P4HTM: variants seen among roughly 807,000 people sequenced by gnomAD.
The protein encoded by P4HTM is prolyl 4-hydroxylase, transmembrane.
Under a neutral mutation model 55.3 loss-of-function variants are expected in P4HTM, and 33 were observed. The observed-to-expected ratio is 0.60, with a 90% CI of 0.45 to 0.80. The LOEUF is 0.80. P4HTM is among the 30% of genes least tolerant of loss of function. P4HTM has a pLI of 0.00. For synonymous variants in P4HTM, 272 were observed against 286.4 expected, an observed-to-expected ratio of 0.95 and a Z score of 0.51; for missense variants, 542 against 696.5, an observed-to-expected ratio of 0.78 and a Z score of 2.50.
chr3:48,998,357 T>C (rs1174460477), intron 2 of P4HTM: 1 of 152,266 alleles, frequency 6.6e-6, no homozygotes, highest in African/African-American at 2.4e-5. Context: ...AGATGACCCT[T>C]TGGGGGAAAG....
At chr3:49,001,762 GAC>G in intron 3 of P4HTM, 134 bp downstream of exon 3, 2 of 731,350 alleles carry the variant, frequency 2.7e-6, no homozygotes, top group Non-Finnish European at 4.4e-6. Flanking sequence ...GGCATGCCCA[GAC>G]CCAGGAGGTC....
chr3:49,001,379 A>G (rs554408395), intron 2 of P4HTM, 59 bp from the exon 3 acceptor site: 1 of 1,517,118 alleles, frequency 6.6e-7, no homozygotes, highest in Non-Finnish European at 9.1e-7. Flanking sequence ...GGAGGAAGGT[A>G]CTGGGTGCAC....
intron 2 of P4HTM, among the ~76,000 whole-genome samples, chr3:48,995,728 G>A (rs1238918030): frequency 6.6e-6 from 1 of 152,154 alleles, no homozygotes; most frequent in Non-Finnish European, 1.5e-5. Context: ...TGAAATTACA[G>A]GCGCCTGCCA....
At chr3:49,000,279 G>A (rs2092957405) in intron 2 of P4HTM, among the ~76,000 whole-genome samples, 2 of 152,100 alleles carry the variant, frequency 1.3e-5, no homozygotes, top group South Asian at 4.2e-4. Context: ...GGCCAGGTGT[G>A]GTGGCATATG....
At chr3:49,003,962 G>C in intron 4 of P4HTM, 136 bp from the exon 5 acceptor site, 1 of 764,712 alleles carries the variant, frequency 1.3e-6, no homozygotes, top group South Asian at 1.9e-5. Context: ...TCCAGGTGGG[G>C]GACAAGTGTA....
upstream of P4HTM, chr3:48,990,139 C>G: frequency 1.1e-5 from 11 of 979,330 alleles, no homozygotes; most frequent in Non-Finnish European, 1.4e-5. This position sits in a 1 kb window ranked among gnomAD's most constrained non-coding sequence, Gnocchi z 7.2. Context: ...TCAGCACCCC[C>G]AGGCACCGTC....
chr3:49,006,745 C>A lies in P4HTM; in HGVS notation c.1347C>A (p.Gly449=). Residue 449 remains glycine (G), a synonymous_variant, in exon 9 of 9, where the codon GGC becomes GGA. Transcript: ENST00000383729. ...SLHGGCLVTR[G]TKWIANNWIN... ...ACGGGGGCTGCCTGGTCACGCGCGG[C>A]ACCAAGTGGATTGCCAACAACTGGA... 1.2e-6 allele frequency: 2 copies of A among 1,613,740 alleles called. No individual in the cohort carries two copies. The highest frequency in any genetic ancestry group is 8.5e-7 in the Non-Finnish European group (1 of 1,180,040).
chr3:49,005,438 G>A (rs1164414799), intron 6 of P4HTM: 2 of 1,386,050 alleles, frequency 1.4e-6, no homozygotes, highest in Admixed American at 6.7e-5. Context: ...TCAGGTGGCT[G>A]TTCTGGCCCA....
chr3:48,990,396 G>T lies in P4HTM; in HGVS notation c.140G>T (p.Arg47Leu). ...GLGDGEDAPVRPLCKPRGICS... is the reference protein window; with the variant it reads ...GLGDGEDAPVLPLCKPRGICS... ...GGCGACGGCGAGGACGCACCGGTGC[G>T]TCCGCTGTGCAAGCCCCGCGGCATC... Residue 47 changes from arginine to leucine, a missense_variant, in exon 1 of 9, where the codon CGT becomes CTT. This residue lies in a region of P4HTM where 536 missense variants were observed against 672.1 expected (regional missense o/e 0.80). Coordinates refer to ENST00000383729, the MANE Select transcript of P4HTM (RefSeq NM_177939.3). This position sits in a 1 kb window ranked among gnomAD's most constrained non-coding sequence, Gnocchi z 7.2. 6.3e-7 allele frequency: 1 copy of T among 1,593,394 alleles called. No individual in the cohort carries two copies.
rs972225617 is a variant in P4HTM, at chr3:49,004,298, G to A, written c.887+38G>A. Reference sequence around the variant, plus strand: ...AGCTGTTCTCACTGGAGCAGGGGGAGAAGACTGGGCAGGGCCTCCACAGAA... The same window carrying A: ...AGCTGTTCTCACTGGAGCAGGGGGAAAAGACTGGGCAGGGCCTCCACAGAA... On this transcript the variant is annotated intron_variant, in intron 5 of 8. Coordinates refer to ENST00000383729, the MANE Select transcript of P4HTM (RefSeq NM_177939.3). 5.9e-6 allele frequency: 9 copies of A among 1,520,868 alleles called. No homozygotes were observed. The African/African-American group carries it at 9.7e-5, about 16-fold the overall frequency. The allele number at this position is 1,520,868 out of a possible 1,614,324, so 94.2% of individuals were successfully genotyped here. A position where few individuals can be genotyped will look rare whatever the true frequency, so the allele number is the denominator to read the frequency against.
Position 49,004,189 on chromosome 3 carries a change from G to A in P4HTM, c.816G>A (p.Val272=). ...ACAAGGCAGAGTCCAGTGAGCTGGT[G>A]CGGAACAGCCACCATACCTGGCTCT... ...RSHKAESSEL[V]RNSHHTWLYQ... The change falls in exon 5 of 9, where the codon GTG becomes GTA. Residue 272 remains valine (V), a synonymous_variant. Transcript: ENST00000383729. The A allele has an allele frequency of 6.5e-7, 1 of 1,549,864 alleles. No homozygotes were observed. Among genetic ancestry groups the A allele is most frequent in the Non-Finnish European group, 8.7e-7 (1 of 1,146,966 alleles).
Position 49,004,126 on chromosome 3 carries a change from CA to C in P4HTM, c.754del (p.Met252TrpfsTer10). 1 of 1,556,092 alleles carries C rather than the reference CA, an allele frequency of 6.4e-7. No individual in the cohort carries two copies. The highest frequency in any genetic ancestry group is 8.7e-7 in the Non-Finnish European group (1 of 1,150,240). ...GVLSLQEFSN[M>X]DLRDFHKYMR... ...TGCTGAGTCTGCAGGAGTTCTCCAACATGGACCTTCGGGACTTCCACAAGTA... is the reference window on the plus strand; with the variant it reads ...TGCTGAGTCTGCAGGAGTTCTCCAACTGGACCTTCGGGACTTCCACAAGTA... On this transcript the variant is annotated frameshift_variant, in exon 5 of 9. Transcript: ENST00000383729. LOFTEE classifies it high-confidence loss of function.
chr3:49,004,157 A>G lies in P4HTM; in HGVS notation c.784A>G (p.Arg262Gly), dbSNP rs758223082. Reference protein sequence around the residue: ...MDLRDFHKYMRSHKAESSELV... With the variant: ...MDLRDFHKYMGSHKAESSELV... ...CCTTCGGGACTTCCACAAGTACATG[A>G]GGAGCCACAAGGCAGAGTCCAGTGA... Residue 262 changes from arginine (R) to glycine (G), a missense_variant, in exon 5 of 9, where the codon AGG (arginine) becomes GGG (glycine). Coordinates refer to ENST00000383729, the MANE Select transcript of P4HTM (RefSeq NM_177939.3). The G allele has an allele frequency of 1.9e-6, 3 of 1,551,424 alleles. No homozygotes were observed. The South Asian group carries it at 3.6e-5, about 18-fold the overall frequency.
intron 6 of P4HTM, 145 bp from the exon 7 acceptor site, chr3:49,005,632 T>C (rs895411607): frequency 1.3e-5 from 19 of 1,426,004 alleles, no homozygotes; most frequent in Non-Finnish European, 1.7e-5. Flanking sequence ...TAGGGACATT[T>C]TGGCACTGGC....
At chr3:48,997,245 A>G (rs1007406375) in intron 2 of P4HTM, 4 of 152,226 alleles carry the variant, frequency 2.6e-5, no homozygotes, top group Non-Finnish European at 4.4e-5. Context: ...GAGGGTGCCA[A>G]TGGCGCACAG....
At position 49,004,005 on chromosome 3, in the gene P4HTM, C is replaced by T. The variant is rs1045408869; in HGVS notation, c.725-93C>T. 21 of 1,279,752 alleles carry T rather than the reference C, an allele frequency of 1.6e-5. No individual in the cohort carries two copies. In the African/African-American group the frequency reaches 2.8e-4, roughly 17 times the overall value. The allele number at this position is 1,279,752 out of a possible 1,614,324, so 79.3% of individuals were successfully genotyped here. ...CCTCAGTGCCTGAGGTCAGGGGCTGCTGCTGCCTTTGGGGTAGGTAGGGAA... is the reference window on the plus strand; with the variant it reads ...CCTCAGTGCCTGAGGTCAGGGGCTGTTGCTGCCTTTGGGGTAGGTAGGGAA... On this transcript the variant is annotated intron_variant, in intron 4 of 8. Transcript: ENST00000383729.
In P4HTM at chr3:49,002,752, CT is replaced by C; in HGVS notation, c.724+161del. 1 of 713,812 alleles carries C rather than the reference CT, an allele frequency of 1.4e-6. No homozygotes were observed. The highest frequency in any genetic ancestry group is 2.7e-5 in the East Asian group (1 of 37,184). 44.2% of individuals were successfully genotyped at this position (713,812 alleles called of 1,614,324 possible). A position where few individuals can be genotyped will look rare whatever the true frequency, so the allele number is the denominator to read the frequency against. ...ATGGGGAGGTGAAGATCCAGCCTTGCTTTTTACCCCTGGGAAGTAGGCAGGC... is the reference window on the plus strand; with the variant it reads ...ATGGGGAGGTGAAGATCCAGCCTTGCTTTTACCCCTGGGAAGTAGGCAGGC... On this transcript the variant is annotated intron_variant, in intron 4 of 8. Coordinates refer to ENST00000383729, the MANE Select transcript of P4HTM (RefSeq NM_177939.3). This position sits in a 1 kb window ranked among gnomAD's most constrained non-coding sequence, Gnocchi z 4.4.
At position 49,005,929 on chromosome 3, in the gene P4HTM, CA is replaced by C. The variant is rs1576609190; in HGVS notation, c.1164+63del. The C allele has an allele frequency of 2.0e-6, 3 of 1,532,458 alleles. No homozygotes were observed. The East Asian group carries it at 6.8e-5, about 35-fold the overall frequency. 94.9% of individuals were successfully genotyped at this position (1,532,458 alleles called of 1,614,324 possible). A position where few individuals can be genotyped will look rare whatever the true frequency, so the allele number is the denominator to read the frequency against. ...CAGGGGCTTAGACAAGTGAAGTACA[CA>C]CCTCTCCAGGTCTAAGGATGTGGGC... On this transcript the variant is annotated intron_variant, in intron 7 of 8. Coordinates refer to ENST00000383729, the MANE Select transcript of P4HTM (RefSeq NM_177939.3).
chr3:48,991,580 C>T (rs1387512510), intron 2 of P4HTM: 2 of 121,706 alleles, frequency 1.6e-5, no homozygotes, highest in Non-Finnish European at 3.7e-5. Flanking sequence ...GTAGATCCTA[C>T]TCAGGCCAGT....
Sources: allele counts gnomAD v4.1 joint callset (sites outside exome capture counted in the v4.1 genomes callset), GRCh38; gene constraint gnomAD v4.1.1; regional missense constraint gnomAD v4.1.1; non-coding constraint Gnocchi (gnomAD v3.1); transcripts MANE v1.5; gene names NCBI Gene and HGNC (gene_info 2026-07-23, HGNC 2026-07-21).